PDGFA: variants seen among roughly 807,000 people sequenced by gnomAD.
PDGFA encodes the protein platelet derived growth factor subunit A, also known as platelet-derived growth factor subunit A.
Under a neutral mutation model 25.6 loss-of-function variants are expected in PDGFA, and 9 were observed. The ratio of observed to expected loss-of-function variants is 0.35; its 90% CI spans 0.21 to 0.61. The LOEUF (loss-of-function observed/expected upper bound fraction) is 0.61. Among genes scored for constraint, PDGFA ranks in the 20% least tolerant of loss-of-function variants. The pLI is 0.75. For synonymous variants in PDGFA, 133 were observed against 111.8 expected (o/e 1.19, Z -1.20); for missense variants, 242 against 272.8 (o/e 0.89, Z 0.79).
At chr7:511,783 C>T (rs1782861947) in intron 3 of PDGFA, among the ~76,000 whole-genome samples, 1 of 152,126 alleles carries the variant, frequency 6.6e-6, no homozygotes, top group African/African-American at 2.4e-5. Flanking sequence ...CCTCAGGGGG[C>T]TGGAGGGCCA....
At chr7:519,035 G>T in exon 1 of PDGFA, 1 of 1,500,242 alleles carries the variant, frequency 6.7e-7, no homozygotes. Context: ...CGGAGGAGAG[G>T]CGAGGCCGCG....
In PDGFA at chr7:500,347, A is replaced by C; in HGVS notation, c.580+769T>G. ...CCACATCCCCGCCGCACCCGGCGAG[A>C]CAGGAAGCGTGATTTGCTGGTGTGA... is the stretch of plus-strand genomic sequence containing the variant. On this transcript the variant is annotated intron_variant, in intron 5 of 5. Transcript: ENST00000402802. The surrounding 1 kb of genome is among the most constrained non-coding windows in gnomAD (Gnocchi z 5.0). 1 of 1,474,920 alleles carries C rather than the reference A, an allele frequency of 6.8e-7. No homozygotes were observed. Among genetic ancestry groups the C allele is most frequent in the Non-Finnish European group, 9.5e-7 (1 of 1,056,162 alleles). 91.4% of individuals were successfully genotyped at this position (1,474,920 alleles called of 1,614,324 possible). A position where few individuals can be genotyped will look rare whatever the true frequency, so the allele number is the denominator to read the frequency against.
At chr7:503,179 T>C (rs538919870) in intron 4 of PDGFA, among the ~76,000 whole-genome samples, 1 of 152,236 alleles carries the variant, frequency 6.6e-6, no homozygotes, top group African/African-American at 2.4e-5. Flanking sequence ...CCCTAATTGC[T>C]AGGCTGTCCC....
At position 517,138 on chromosome 7, in the gene PDGFA, T is replaced by A. The variant is rs1016245519; in HGVS notation, c.160+256A>T. On this transcript the variant is annotated intron_variant, in intron 2 of 5. Coordinates refer to ENST00000402802, the Ensembl canonical transcript of PDGFA. This position sits in a 1 kb window ranked among gnomAD's most constrained non-coding sequence, Gnocchi z 7.4. Reference sequence around the variant, plus strand: ...CCTGGCGGAGGCCGCGGCTGAACTTTGTGTGACACACGCGGCGTTTTCCTT... The same window carrying A: ...CCTGGCGGAGGCCGCGGCTGAACTTAGTGTGACACACGCGGCGTTTTCCTT... Among the ~76,000 whole-genome samples, 1 of 151,630 alleles carries A rather than the reference T, an allele frequency of 6.6e-6. No individual in the cohort carries two copies. Among genetic ancestry groups the A allele is most frequent in the African/African-American group, 2.4e-5 (1 of 41,372 alleles).
At chr7:512,821 G>T in intron 2 of PDGFA, 2 of 397,644 alleles carry the variant, frequency 5.0e-6, no homozygotes, top group Non-Finnish European at 9.1e-6. Context: ...GGCAGGAGGG[G>T]CCTGAGGCCG....
Position 500,866 on chromosome 7 carries a change from T to A in PDGFA, c.580+250A>T. ...GTGTCTTATGCACTCCCAGCCCCTC[T>A]CAGTGAGACCTGAATCTCCTCTCCT... On this transcript the variant is annotated intron_variant, in intron 5 of 5. Coordinates refer to ENST00000402802, the Ensembl canonical transcript of PDGFA. This position sits in a 1 kb window ranked among gnomAD's most constrained non-coding sequence, Gnocchi z 5.0. The A allele has an allele frequency of 6.4e-7, 1 of 1,551,016 alleles. No individual in the cohort carries two copies. Among genetic ancestry groups the A allele is most frequent in the Non-Finnish European group, 8.7e-7 (1 of 1,154,370 alleles).
intron 4 of PDGFA, among the ~76,000 whole-genome samples, chr7:505,737 A>G (rs1284394335): frequency 2.0e-5 from 3 of 152,144 alleles, no homozygotes; most frequent in African/African-American, 7.2e-5. Context: ...TTGAATCTCC[A>G]TCCCTAGCCT....
rs79562162 is a variant in PDGFA, at chr7:500,533, G to A, written c.580+583C>T. Reference sequence around the variant, plus strand: ...AAAAGGGCAGGGCGGTGAGTGGGCCGAGGGACGGCCGTCGGGGTGAAGAAC... The same window carrying A: ...AAAAGGGCAGGGCGGTGAGTGGGCCAAGGGACGGCCGTCGGGGTGAAGAAC... On this transcript the variant is annotated intron_variant, in intron 5 of 5. Transcript: ENST00000402802. The surrounding 1 kb of genome is among the most constrained non-coding windows in gnomAD (Gnocchi z 5.0). 1.5e-4 allele frequency: 250 copies of A among 1,613,662 alleles called. No individual in the cohort carries two copies. The East Asian group carries it at 3.4e-3, about 22-fold the overall frequency.
chr7:510,721 G>GA, intron 4 of PDGFA, 88 bp downstream of exon 4: 3 of 434,792 alleles, frequency 6.9e-6, no homozygotes. Flanking sequence ...GGGGAGGGGA[G>GA]GGGAGAGGAG....
intron 3 of PDGFA, among the ~76,000 whole-genome samples, chr7:511,259 G>GGCCTT (rs1782821206): frequency 6.9e-6 from 1 of 145,828 alleles, no homozygotes; most frequent in African/African-American, 2.5e-5. Context: ...GAGGGGAGGG[G>GGCCTT]AACTTAGTCC....
rs1782136699 is a variant in PDGFA at position 497,946 on chromosome 7, A to AC, written c.*617_*618insG. On this transcript the variant is annotated 3_prime_UTR_variant, in exon 6 of 6. Transcript: ENST00000402802. ...AATAATCACTTTATGGTGTAAAAAAAAAAAAAAAAAAACAAAAAAAAAAAA... is the reference window on the plus strand; with the variant it reads ...AATAATCACTTTATGGTGTAAAAAAACAAAAAAAAAAAACAAAAAAAAAAAA... 7 of 116,440 alleles carry AC rather than the reference A, an allele frequency of 6.0e-5. 1 individual carries two copies. The highest frequency in any genetic ancestry group is 2.2e-4 in the African/African-American group (7 of 32,536). 7.2% of individuals were successfully genotyped at this position (116,440 alleles called of 1,614,324 possible).
chr7:498,565 C>A, exon 6 of PDGFA: 1 of 1,609,644 alleles, frequency 6.2e-7, no homozygotes, highest in Non-Finnish European at 8.5e-7. Context: ...GGCTCATCCT[C>A]ACCTCACATC....
chr7:505,484 C>T (rs1306750416), intron 4 of PDGFA, among the ~76,000 whole-genome samples: 2 of 152,242 alleles, frequency 1.3e-5, no homozygotes, highest in African/African-American at 4.8e-5. Flanking sequence ...GCTGCAGAGA[C>T]CCCCTGAGGA....
At chr7:512,750 G>T in intron 2 of PDGFA, 1 of 1,064,730 alleles carries the variant, frequency 9.4e-7, no homozygotes, top group Non-Finnish European at 1.2e-6. Context: ...CGGGGAAGAG[G>T]TTGCAGGTGG....
At chr7:501,389 G>A in intron 4 of PDGFA, 147 bp from the exon 5 acceptor site, 1 of 983,206 alleles carries the variant, frequency 1.0e-6, no homozygotes, top group South Asian at 1.5e-5. Flanking sequence ...GTGGTGGGGA[G>A]TGTAGCAGTA....
chr7:508,053 A>T (rs1192595821), intron 4 of PDGFA, among the ~76,000 whole-genome samples: 1 of 152,086 alleles, frequency 6.6e-6, no homozygotes, highest in East Asian at 1.9e-4. Context: ...TCAGAGGACC[A>T]AGTCCCCAGA....
chr7:511,393 G>C, intron 3 of PDGFA, among the ~76,000 whole-genome samples: 2 of 151,214 alleles, frequency 1.3e-5, no homozygotes, highest in Non-Finnish European at 2.9e-5. Flanking sequence ...CAGGGGCAGA[G>C]GGGAACCTAG....
chr7:510,778 G>GGAGAGGAGA, intron 4 of PDGFA, 31 bp downstream of exon 4: 1 of 833,934 alleles, frequency 1.2e-6, no homozygotes, highest in East Asian at 3.5e-5. Context: ...GGAGGGGAGG[G>GGAGAGGAGA]GAGGGGAGGG....
At chr7:502,767 A>C (rs1782402233) in intron 4 of PDGFA, among the ~76,000 whole-genome samples, 1 of 89,612 alleles carries the variant, frequency 1.1e-5, no homozygotes, top group Non-Finnish European at 2.6e-5. Context: ...GAGGCAAGAA[A>C]TCACACACAC....
Sources: allele counts gnomAD v4.1 joint callset (sites outside exome capture counted in the v4.1 genomes callset), GRCh38; gene constraint gnomAD v4.1.1; non-coding constraint Gnocchi (gnomAD v3.1); transcripts MANE v1.5; gene names NCBI Gene and HGNC (gene_info 2026-07-23, HGNC 2026-07-21).